Variants in SLC2A12 observed in about 807,000 individuals in gnomAD.
The protein encoded by SLC2A12 is solute carrier family 2, facilitated glucose transporter member 12.
A neutral mutation model predicts 41.8 loss-of-function variants in SLC2A12; 23 were observed. That is an observed-to-expected ratio of 0.55 (90% CI 0.40 to 0.78). The LOEUF (loss-of-function observed/expected upper bound fraction) is 0.78. Among genes scored for constraint, SLC2A12 ranks in the 30% least tolerant of loss-of-function variants. The probability of loss-of-function intolerance (pLI) is 0.00; values close to 1 mark genes in which losing one functional copy is unlikely to be tolerated. For synonymous variants in SLC2A12, 295 were observed against 285.9 expected (o/e 1.03, Z -0.32); for missense variants, 654 against 745.6 (o/e 0.88, Z 1.43).
intron 4 of SLC2A12, among the ~76,000 whole-genome samples, chr6:133,993,933 G>T (rs1776653445): frequency 6.6e-6 from 1 of 152,192 alleles, no homozygotes; most frequent in Non-Finnish European, 1.5e-5. Context: ...TGCTCTTGCT[G>T]GAGAGCCACT....
chr6:134,037,693 A>C (rs1267437522), intron 1 of SLC2A12, among the ~76,000 whole-genome samples: 1 of 152,092 alleles, frequency 6.6e-6, no homozygotes, highest in East Asian at 1.9e-4. Flanking sequence ...TTTACATCCA[A>C]GGTTTTACAG....
At chr6:133,995,010 T>C (rs537221757) in intron 4 of SLC2A12, among the ~76,000 whole-genome samples, 2 of 152,196 alleles carry the variant, frequency 1.3e-5, no homozygotes, top group African/African-American at 4.8e-5. Flanking sequence ...ATGGAGGTAA[T>C]TGGGATGTTA....
chr6:134,048,592 A>G (rs981639320), intron 1 of SLC2A12, among the ~76,000 whole-genome samples: 1 of 152,178 alleles, frequency 6.6e-6, no homozygotes, highest in African/African-American at 2.4e-5. Flanking sequence ...CAACAACAAC[A>G]AAAAAACCTG....
chr6:134,028,996 T>C lies in SLC2A12; in HGVS notation c.829A>G (p.Thr277Ala). 6.2e-7 allele frequency: 1 copy of C among 1,614,208 alleles called. No individual in the cohort carries two copies. Among genetic ancestry groups the C allele is most frequent in the Non-Finnish European group, 8.5e-7 (1 of 1,180,032 alleles). ...DLFRSKDNMR[T>A]RIMIGLTLVF... ...AGTGTTAGTCCTATCATTATTCGGG[T>C]CCGCATGTTGTCTTTTGAACGAAAC... The change falls in exon 2 of 5, where the codon ACC (threonine) becomes GCC (alanine). Residue 277 changes from threonine to alanine, a missense_variant. Transcript: ENST00000275230.
In SLC2A12 at chr6:133,988,404, T is replaced by G. The variant is rs1004918801; in HGVS notation, c.*2751A>C. 1 of 152,206 alleles carries G rather than the reference T, an allele frequency of 6.6e-6. No homozygotes were observed. Among genetic ancestry groups the G allele is most frequent in the East Asian group, 1.9e-4 (1 of 5,200 alleles). The allele number at this position is 152,206 out of a possible 1,614,324, so 9.4% of individuals were successfully genotyped here. A position where few individuals can be genotyped will look rare whatever the true frequency, so the allele number is the denominator to read the frequency against. The stretch of plus-strand genomic sequence containing the variant: ...AAATAAAGCTGAGTGGAGAGTCCAA[T>G]TAGCTTCTCAGGAGAAACTTAATGG... On this transcript the variant is annotated 3_prime_UTR_variant, in exon 5 of 5. Coordinates refer to ENST00000275230, the MANE Select transcript of SLC2A12 (RefSeq NM_145176.3).
At chr6:134,043,646 G>A (rs1347825282) in intron 1 of SLC2A12, among the ~76,000 whole-genome samples, 2 of 151,936 alleles carry the variant, frequency 1.3e-5, no homozygotes, top group Non-Finnish European at 2.9e-5. Flanking sequence ...ACAAAAATTA[G>A]CAAGGTGTGG....
chr6:134,039,393 T>A (rs1269642032), intron 1 of SLC2A12, among the ~76,000 whole-genome samples: 1 of 152,240 alleles, frequency 6.6e-6, no homozygotes, highest in Non-Finnish European at 1.5e-5. Flanking sequence ...TTACATCTTT[T>A]GCCACAGAGT....
chr6:134,010,257 A>G (rs1776862455), intron 2 of SLC2A12, among the ~76,000 whole-genome samples: 1 of 152,224 alleles, frequency 6.6e-6, no homozygotes, highest in Non-Finnish European at 1.5e-5. Context: ...AGGAAAATTA[A>G]ATTATTGCCA....
intron 2 of SLC2A12, among the ~76,000 whole-genome samples, chr6:134,025,700 A>G (rs1222615966): frequency 6.6e-6 from 1 of 152,012 alleles, no homozygotes; most frequent in Admixed American, 6.6e-5. Flanking sequence ...TGTGTGCCAC[A>G]ATGCCTAGCT....
chr6:134,049,109 C>T lies in SLC2A12; in HGVS notation c.103+3269G>A, dbSNP rs144451790. 1.6e-3 allele frequency among the ~76,000 whole-genome samples: 251 copies of T among 152,268 alleles called. 3 individuals are homozygous for T. Among genetic ancestry groups the T allele is most frequent in the African/African-American group, 5.8e-3 (240 of 41,562 alleles). On this transcript the variant is annotated intron_variant, in intron 1 of 4. Coordinates refer to ENST00000275230, the MANE Select transcript of SLC2A12 (RefSeq NM_145176.3). ...AAAAAGGAGTTCACAGCTTTAAAAGCGTTTTGAGAACAACTGCCTTAGAAT... is the reference window on the plus strand; with the variant it reads ...AAAAAGGAGTTCACAGCTTTAAAAGTGTTTTGAGAACAACTGCCTTAGAAT...
chr6:133,994,853 G>T (rs544428508), intron 4 of SLC2A12, among the ~76,000 whole-genome samples: 1 of 152,284 alleles, frequency 6.6e-6, no homozygotes, highest in South Asian at 2.1e-4. Context: ...AGAGACCATA[G>T]GTAAGAGATA....
chr6:134,018,630 A>G (rs1408745516), intron 2 of SLC2A12, among the ~76,000 whole-genome samples: 2 of 152,124 alleles, frequency 1.3e-5, no homozygotes, highest in Admixed American at 6.5e-5. Context: ...TCACTATCAT[A>G]TCGGAAATAA....
chr6:134,019,487 C>T (rs896808760), intron 2 of SLC2A12, among the ~76,000 whole-genome samples: 2 of 152,160 alleles, frequency 1.3e-5, no homozygotes, highest in Non-Finnish European at 2.9e-5. Context: ...ATCAAGAGCA[C>T]CCCAGAAACA....
chr6:134,026,769 C>T (rs1777118457), intron 2 of SLC2A12, among the ~76,000 whole-genome samples: 1 of 152,198 alleles, frequency 6.6e-6, no homozygotes, highest in African/African-American at 2.4e-5. Context: ...AGAGGAAGGG[C>T]CATGTCTTGG....
intron 4 of SLC2A12, among the ~76,000 whole-genome samples, chr6:133,997,378 A>G (rs1218129771): frequency 6.6e-6 from 1 of 152,228 alleles, no homozygotes; most frequent in Non-Finnish European, 1.5e-5. Flanking sequence ...ATCACTATTC[A>G]TAATAGCAAA....
chr6:134,002,694 G>A (rs956025538), intron 3 of SLC2A12, among the ~76,000 whole-genome samples: 1 of 152,008 alleles, frequency 6.6e-6, no homozygotes, highest in East Asian at 1.9e-4. Flanking sequence ...TTTCATGCTG[G>A]CAATATTTCA....
intron 1 of SLC2A12, among the ~76,000 whole-genome samples, chr6:134,039,982 A>T (rs1777358512): frequency 6.6e-6 from 1 of 152,096 alleles, no homozygotes; most frequent in South Asian, 2.1e-4. Flanking sequence ...ATGCTTCCTG[A>T]ATAACCTGCA....
rs918785844 is a variant in SLC2A12 at position 134,045,419 on chromosome 6, T to G, written c.103+6959A>C. Among the ~76,000 whole-genome samples the G allele has an allele frequency of 3.3e-5, 5 of 152,226 alleles. No homozygotes were observed. The East Asian group carries it at 9.6e-4, about 29-fold the overall frequency. On this transcript the variant is annotated intron_variant, in intron 1 of 4. Transcript: ENST00000275230. ...TGCTACCCAAGACAAGTCCCTTTGC[T>G]TCTTTCCAGGAGGAACCTGGGCTTG...
intron 3 of SLC2A12, among the ~76,000 whole-genome samples, chr6:134,003,996 A>G (rs1163070948): frequency 6.6e-6 from 1 of 152,238 alleles, no homozygotes; most frequent in African/African-American, 2.4e-5. Context: ...AAGCATTCCA[A>G]TTAAATGTCA....
Sources: gnomAD v4.1 joint callset for allele counts (sites outside exome capture counted in the v4.1 genomes callset) on GRCh38, gnomAD v4.1.1 for gene constraint, MANE v1.5 for transcripts, NCBI Gene and HGNC (gene_info 2026-07-23, HGNC 2026-07-21) for gene names.